Variants in SYBU observed in about 807,000 individuals in gnomAD.
SYBU encodes the protein GOLSYN A protein.
In SYBU, 21 loss-of-function variants were observed where a neutral mutation model predicts 35.9. That is an observed-to-expected ratio of 0.58 (90% CI 0.41 to 0.84). The LOEUF is 0.84. Among genes scored for constraint, SYBU ranks in the 40% least tolerant of loss-of-function variants. The pLI is 0.00. For missense variants in SYBU, 768 were observed against 848.2 expected (o/e 0.91, Z 1.17); for synonymous variants, 319 against 324.3 (o/e 0.98, Z 0.18).
upstream of SYBU, chr8:109,645,641 T>A (rs1181014731): frequency 3.5e-6 from 1 of 286,052 alleles, no homozygotes; most frequent in Non-Finnish European, 6.9e-6. Flanking sequence ...TTGTTTTTTT[T>A]TTTTTCCGTT....
At chr8:109,677,228 T>C (rs1249335133) in intron 1 of SYBU, among the ~76,000 whole-genome samples, 1 of 152,166 alleles carries the variant, frequency 6.6e-6, no homozygotes, top group African/African-American at 2.4e-5. Context: ...CTAAAAGTAA[T>C]ACATACAAGT....
chr8:109,576,056 A>C lies in SYBU; in HGVS notation c.885-43T>G, dbSNP rs769432558. 1.0e-5 allele frequency: 15 copies of C among 1,496,730 alleles called. No individual in the cohort carries two copies. In the South Asian group the frequency reaches 1.1e-4, roughly 11 times the overall value. The allele number at this position is 1,496,730 out of a possible 1,614,324, so 92.7% of individuals were successfully genotyped here. ...GCATGGTTAATTAAAAAAAAAAAAA[A>C]AAAAAAAAAAAAAACTTTCAACTGG... On this transcript the variant is annotated intron_variant, in intron 6 of 6. Transcript: ENST00000276646.
At chr8:109,688,209 C>A (rs1159313242) in intron 1 of SYBU, among the ~76,000 whole-genome samples, 1 of 151,994 alleles carries the variant, frequency 6.6e-6, no homozygotes, top group African/African-American at 2.4e-5. Context: ...GGGCATTATT[C>A]CTTTGATAAA....
chr8:109,618,757 C>T (rs1812100319), intron 3 of SYBU, 85 bp downstream of exon 3: 4 of 1,235,324 alleles, frequency 3.2e-6, no homozygotes, highest in Non-Finnish European at 4.7e-6. Context: ...TGATCCCCGA[C>T]TCGATATACA....
intron 3 of SYBU, among the ~76,000 whole-genome samples, chr8:109,592,011 A>G (rs559692189): frequency 4.6e-4 from 70 of 152,192 alleles, no homozygotes; most frequent in African/African-American, 1.4e-3. Context: ...GAGGTTATTA[A>G]TATTAAGAAT....
At chr8:109,629,064 A>G (rs1813297693) in intron 2 of SYBU, among the ~76,000 whole-genome samples, 1 of 152,184 alleles carries the variant, frequency 6.6e-6, no homozygotes, top group Admixed American at 6.5e-5. Context: ...AGGCAGGAAT[A>G]TGGTGCATTA....
intron 1 of SYBU, among the ~76,000 whole-genome samples, chr8:109,656,551 G>T (rs1816363281): frequency 6.6e-6 from 1 of 152,160 alleles, no homozygotes; most frequent in South Asian, 2.1e-4. Flanking sequence ...ACCAGGAAAT[G>T]AACCAAACAA....
chr8:109,630,867 G>A (rs1813541875), intron 2 of SYBU, among the ~76,000 whole-genome samples: 1 of 152,188 alleles, frequency 6.6e-6, no homozygotes, highest in East Asian at 1.9e-4. Context: ...AAAGACACAG[G>A]CCTGGATACA....
intron 1 of SYBU, among the ~76,000 whole-genome samples, chr8:109,690,228 G>T (rs376163919): frequency 6.6e-6 from 1 of 152,046 alleles, no homozygotes; most frequent in Non-Finnish European, 1.5e-5. Flanking sequence ...AAAAAAAAAT[G>T]ATTTCACCTG....
intron 2 of SYBU, among the ~76,000 whole-genome samples, chr8:109,641,489 A>T (rs1586917988): frequency 6.6e-6 from 1 of 152,372 alleles, no homozygotes; most frequent in East Asian, 1.9e-4. Flanking sequence ...AGGTTAAGCA[A>T]CTTGCTGAAG....
At chr8:109,667,776 TTTG>T (rs545799721) in intron 1 of SYBU, among the ~76,000 whole-genome samples, 1 of 152,142 alleles carries the variant, frequency 6.6e-6, no homozygotes, top group Non-Finnish European at 1.5e-5. Flanking sequence ...TACAGGCTTT[TTTG>T]TTGTTGTTGT....
At chr8:109,662,778 C>G (rs117730983) in intron 1 of SYBU, among the ~76,000 whole-genome samples, 2,524 of 152,284 alleles carry the variant, frequency 0.017, 36 homozygotes, top group Non-Finnish European at 0.029. Context: ...TTCTGTTGCA[C>G]TTTTCTGAAC....
At chr8:109,685,020 T>C (rs1380232983), upstream of SYBU, among the ~76,000 whole-genome samples, 1 of 152,208 alleles carries the variant, frequency 6.6e-6, no homozygotes, top group African/African-American at 2.4e-5. Flanking sequence ...AGCTCTTTAA[T>C]GCTGAAGGAT....
intron 1 of SYBU, among the ~76,000 whole-genome samples, chr8:109,663,531 G>A (rs962294635): frequency 5.9e-5 from 9 of 152,016 alleles, no homozygotes; most frequent in African/African-American, 2.2e-4. Flanking sequence ...GTCGGTAAGT[G>A]CATATTTTTG....
At chr8:109,604,407 G>A (rs1479989359) in intron 3 of SYBU, among the ~76,000 whole-genome samples, 1 of 152,112 alleles carries the variant, frequency 6.6e-6, no homozygotes, top group Non-Finnish European at 1.5e-5. Flanking sequence ...GCTCCCACTG[G>A]ACACTACGCT....
chr8:109,613,560 CT>C (rs369016894), intron 3 of SYBU, among the ~76,000 whole-genome samples: 2 of 151,528 alleles, frequency 1.3e-5, no homozygotes, highest in Non-Finnish European at 2.9e-5. Flanking sequence ...CACAAAAGTA[CT>C]TTTTTTCCCC....
At chr8:109,682,727 C>T (rs1030073817), upstream of SYBU, among the ~76,000 whole-genome samples, 1 of 152,198 alleles carries the variant, frequency 6.6e-6, no homozygotes, top group Non-Finnish European at 1.5e-5. Context: ...GGGAAAATGT[C>T]TCCAGGGCAT....
At chr8:109,682,862 C>G (rs138518294), upstream of SYBU, among the ~76,000 whole-genome samples, 6 of 152,350 alleles carry the variant, frequency 3.9e-5, no homozygotes, top group African/African-American at 1.4e-4. Context: ...TGCTCTGCAT[C>G]CCAGCTGTTC....
upstream of SYBU, among the ~76,000 whole-genome samples, chr8:109,684,670 A>C (rs374051662): frequency 6.6e-6 from 1 of 152,236 alleles, no homozygotes; most frequent in African/African-American, 2.4e-5. Context: ...AAAAAGAAGT[A>C]GGAGAGAACA....
Sources: gnomAD v4.1 joint callset for allele counts (sites outside exome capture counted in the v4.1 genomes callset) on GRCh38, gnomAD v4.1.1 for gene constraint, MANE v1.5 for transcripts, NCBI Gene and HGNC (gene_info 2026-07-23, HGNC 2026-07-21) for gene names.